NUDT7: variants seen among roughly 807,000 people sequenced by gnomAD.
NUDT7 encodes nudix hydrolase 7, also known as peroxisomal coenzyme A diphosphatase NUDT7.
Under a neutral mutation model 13.1 loss-of-function variants are expected in NUDT7, and 19 were observed. The ratio of observed to expected loss-of-function variants is 1.45; its 90% CI spans 1.01 to 2.13. NUDT7 has a LOEUF of 2.13. NUDT7 is among the 30% of genes most tolerant of loss of function. NUDT7 has a pLI of 0.00. For synonymous variants in NUDT7, 132 were observed against 109.7 expected (o/e 1.20, Z -1.27); for missense variants, 360 against 291.7 (o/e 1.23, Z -1.71).
At chr16:77,729,130 C>T (rs1358496630) in intron 2 of NUDT7, among the ~76,000 whole-genome samples, 2 of 152,080 alleles carry the variant, frequency 1.3e-5, no homozygotes, top group Non-Finnish European at 1.5e-5. Context: ...AATAACTGAC[C>T]GCTTTTGTGC....
chr16:77,735,496 G>A, intron 2 of NUDT7: 3 of 608,924 alleles, frequency 4.9e-6, no homozygotes, highest in Non-Finnish European at 8.8e-6. Flanking sequence ...TCCCTGTACG[G>A]CCTGCGAGAC....
intron 2 of NUDT7, among the ~76,000 whole-genome samples, chr16:77,727,559 A>C (rs369196999): frequency 6.6e-6 from 1 of 152,334 alleles, no homozygotes; most frequent in South Asian, 2.1e-4. Context: ...ATATTTTTTA[A>C]AATTATCAGA....
chr16:77,739,432 A>G (rs1338834189), intron 3 of NUDT7, among the ~76,000 whole-genome samples: 1 of 152,182 alleles, frequency 6.6e-6, no homozygotes, highest in Non-Finnish European at 1.5e-5. Flanking sequence ...TTGCCGTGGC[A>G]TTTGTAATCT....
At chr16:77,735,255 G>GC in intron 2 of NUDT7, 1 of 402,254 alleles carries the variant, frequency 2.5e-6, no homozygotes, top group Non-Finnish European at 4.4e-6. Context: ...TGGACCTGGG[G>GC]CCTGGTGGGA....
chr16:77,733,624 C>T (rs2145119001), intron 2 of NUDT7, among the ~76,000 whole-genome samples: 1 of 152,336 alleles, frequency 6.6e-6, no homozygotes, highest in Non-Finnish European at 1.5e-5. Context: ...GATTGAGCTT[C>T]TCAATGTCCA....
intron 2 of NUDT7, among the ~76,000 whole-genome samples, chr16:77,728,172 G>C (rs910557125): frequency 2.2e-4 from 34 of 152,242 alleles, no homozygotes; most frequent in African/African-American, 7.2e-4. Flanking sequence ...GGGAAAGCAA[G>C]GCAAGAAGTG....
At chr16:77,735,791 G>C in intron 2 of NUDT7, 37 bp from the exon 3 acceptor site, 1 of 1,579,132 alleles carries the variant, frequency 6.3e-7, no homozygotes, top group Admixed American at 1.8e-5. Context: ...TCCAAAATTA[G>C]AATCCCACAT....
Position 77,742,212 on chromosome 16 carries a change from A to T in NUDT7, c.*262A>T. The T allele has an allele frequency of 1.1e-6, 1 of 937,878 alleles. No individual in the cohort carries two copies. Among genetic ancestry groups the T allele is most frequent in the Non-Finnish European group, 1.4e-6 (1 of 738,246 alleles). The allele number at this position is 937,878 out of a possible 1,614,324, so 58.1% of individuals were successfully genotyped here. A position where few individuals can be genotyped will look rare whatever the true frequency, so the allele number is the denominator to read the frequency against. On this transcript the variant is annotated 3_prime_UTR_variant, in exon 4 of 4. Transcript: ENST00000268533. ...TATTTTTCTTACACATATAATAAAG[A>T]ATATCTGGCACATACTAGGCCCTTA...
At position 77,725,372 on chromosome 16, in the gene NUDT7, T is replaced by C; in HGVS notation, c.36-59T>C. 18 of 1,502,592 alleles carry C rather than the reference T, an allele frequency of 1.2e-5. No individual in the cohort carries two copies. In the South Asian group the frequency reaches 2.1e-4, roughly 18 times the overall value. 93.1% of individuals were successfully genotyped at this position (1,502,592 alleles called of 1,614,324 possible). On this transcript the variant is annotated intron_variant, in intron 1 of 3. Transcript: ENST00000268533. Reference sequence around the variant, plus strand: ...CAAAGCAGAAACAGAGGCAGGACTATAAGCTTTTTACCATAACTCTGCTTG... The same window carrying C: ...CAAAGCAGAAACAGAGGCAGGACTACAAGCTTTTTACCATAACTCTGCTTG...
chr16:77,722,661 C>T, intron 1 of NUDT7, 44 bp downstream of exon 1: 2 of 1,556,202 alleles, frequency 1.3e-6, no homozygotes, highest in Admixed American at 1.9e-5. Flanking sequence ...TGGTCAGGCC[C>T]GGCCTTGATC....
chr16:77,725,689 T>A, intron 2 of NUDT7, 105 bp downstream of exon 2: 1 of 1,058,604 alleles, frequency 9.4e-7, no homozygotes, highest in Non-Finnish European at 1.4e-6. Context: ...TCAAAAGGGC[T>A]TTCAAAATTG....
intron 1 of NUDT7, among the ~76,000 whole-genome samples, chr16:77,724,512 A>C (rs2014066261): frequency 1.3e-5 from 2 of 151,802 alleles, no homozygotes; most frequent in African/African-American, 4.8e-5. Flanking sequence ...GGCCCAAGCA[A>C]TTCTCCCGCC....
At chr16:77,739,969 G>A (rs897419777) in intron 3 of NUDT7, among the ~76,000 whole-genome samples, 1 of 152,106 alleles carries the variant, frequency 6.6e-6, no homozygotes, top group East Asian at 1.9e-4. Context: ...TATGAGTATT[G>A]CTCCCCTCTT....
chr16:77,740,139 G>C (rs1456896385), intron 3 of NUDT7, among the ~76,000 whole-genome samples: 1 of 152,078 alleles, frequency 6.6e-6, no homozygotes, highest in Non-Finnish European at 1.5e-5. Flanking sequence ...TCTGCCCTCG[G>C]GTAACTTAAT....
chr16:77,728,566 C>T (rs557209123), intron 2 of NUDT7, among the ~76,000 whole-genome samples: 2 of 152,228 alleles, frequency 1.3e-5, no homozygotes, highest in South Asian at 2.1e-4. Flanking sequence ...TTAATCACCT[C>T]GGTTTTCTCA....
intron 2 of NUDT7, among the ~76,000 whole-genome samples, chr16:77,730,608 T>A (rs572412707): frequency 1.6e-4 from 25 of 152,318 alleles, no homozygotes; most frequent in African/African-American, 5.3e-4. Context: ...CTGATTTCAT[T>A]TCCTTTGGAT....
intron 2 of NUDT7, among the ~76,000 whole-genome samples, chr16:77,731,287 T>C (rs1420848467): frequency 1.3e-5 from 2 of 152,194 alleles, no homozygotes; most frequent in Non-Finnish European, 2.9e-5. Context: ...TGAGATACTT[T>C]TGAAACCTTT....
intron 1 of NUDT7, among the ~76,000 whole-genome samples, chr16:77,723,144 G>A (rs1344014560): frequency 6.6e-6 from 1 of 152,150 alleles, no homozygotes; most frequent in Non-Finnish European, 1.5e-5. Flanking sequence ...TATTCCAGCG[G>A]CCAGCCCCTA....
chr16:77,735,876 C>T lies in NUDT7; in HGVS notation c.238C>T (p.Pro80Ser). The T allele has an allele frequency of 6.2e-7, 1 of 1,613,976 alleles. No individual in the cohort carries two copies. Among genetic ancestry groups the T allele is most frequent in the Non-Finnish European group, 8.5e-7 (1 of 1,179,948 alleles). Residue 80 changes from proline (P) to serine (S), a missense_variant, in exon 3 of 4, where the codon CCT becomes TCT. Physicochemically the swap from Pro to Ser is moderately conservative, Grantham distance 74. Transcript: ENST00000268533. ...EVCFPGGKRDPTDMDDAATAL... is the reference protein window; with the variant it reads ...EVCFPGGKRDSTDMDDAATAL... ...TTGCTTCCCTGGAGGTAAGCGTGAC[C>T]CTACAGACATGGATGATGCAGCCAC...
Sources: allele counts gnomAD v4.1 joint callset (sites outside exome capture counted in the v4.1 genomes callset), GRCh38; gene constraint gnomAD v4.1.1; transcripts MANE v1.5; gene names NCBI Gene and HGNC (gene_info 2026-07-23, HGNC 2026-07-21).